Variants in LRP1B observed in about 807,000 individuals in gnomAD.
LRP1B encodes LDL receptor related protein 1B, also known as low-density lipoprotein receptor-related protein 1B.
In LRP1B, 217 loss-of-function variants were observed where a neutral mutation model predicts 556.6. That is an observed-to-expected ratio of 0.39 (90% CI 0.35 to 0.44). The LOEUF is 0.44. LRP1B is among the 20% of genes least tolerant of loss of function. The probability of loss-of-function intolerance (pLI) is 1.00; values close to 1 mark genes in which losing one functional copy is unlikely to be tolerated. For missense variants in LRP1B, 5,053 were observed against 5,620.8 expected (o/e 0.90, Z 3.23); for synonymous variants, 2,047 against 1,865.8 (o/e 1.10, Z -2.50).
intron 1 of LRP1B, among the ~76,000 whole-genome samples, chr2:142,006,937 T>A (rs1211328761): frequency 6.6e-6 from 1 of 152,130 alleles, no homozygotes; most frequent in African/African-American, 2.4e-5. Context: ...AAAATTTGCT[T>A]TAGAAATATT....
intron 1 of LRP1B, among the ~76,000 whole-genome samples, chr2:141,901,670 CAATT>C (rs1699621932): frequency 1.3e-5 from 2 of 151,642 alleles, no homozygotes; most frequent in South Asian, 2.1e-4. Context: ...AAACTATTGA[CAATT>C]AAAACAGGAA....
At chr2:141,526,159 T>G (rs1356619027) in intron 2 of LRP1B, among the ~76,000 whole-genome samples, 2 of 152,040 alleles carry the variant, frequency 1.3e-5, no homozygotes, top group Non-Finnish European at 2.9e-5. Flanking sequence ...TACAGAAACG[T>G]TGTTTTACCT....
intron 1 of LRP1B, among the ~76,000 whole-genome samples, chr2:141,813,702 G>T (rs1009214316): frequency 6.6e-6 from 1 of 152,144 alleles, no homozygotes; most frequent in Non-Finnish European, 1.5e-5. Context: ...GAGTATTACA[G>T]CTCATTGACT....
intron 41 of LRP1B, among the ~76,000 whole-genome samples, chr2:140,692,240 C>G (rs1052417761): frequency 7.2e-5 from 11 of 152,096 alleles, no homozygotes; most frequent in African/African-American, 2.7e-4. Flanking sequence ...AATATCACAT[C>G]AACCATATCA....
At position 141,332,226 on chromosome 2, in the gene LRP1B, T is replaced by A. The variant is rs190559833; in HGVS notation, c.344-77585A>T. Reference sequence around the variant, plus strand: ...AAATCCTGATGACTTGTTACATTAATTAATTTACTTTTCTGAATCTGAGTT... The same window carrying A: ...AAATCCTGATGACTTGTTACATTAAATAATTTACTTTTCTGAATCTGAGTT... On this transcript the variant is annotated intron_variant, in intron 3 of 90. Coordinates refer to ENST00000389484, the MANE Select transcript of LRP1B (RefSeq NM_018557.3). 4.6e-3 allele frequency among the ~76,000 whole-genome samples: 704 copies of A among 152,232 alleles called. 7 individuals are homozygous for A. The highest frequency in any genetic ancestry group is 0.015 in the African/African-American group (635 of 41,558).
At chr2:140,794,022 G>A (rs527518086) in intron 32 of LRP1B, among the ~76,000 whole-genome samples, 3 of 152,130 alleles carry the variant, frequency 2.0e-5, no homozygotes, top group African/African-American at 7.2e-5. Flanking sequence ...CTTATACCTG[G>A]AAATCTACTA....
chr2:140,968,494 T>G (rs1409631167), intron 18 of LRP1B, among the ~76,000 whole-genome samples: 3 of 44,642 alleles, frequency 6.7e-5, no homozygotes, highest in Non-Finnish European at 1.6e-4. Context: ...GATTGATTGA[T>G]TTTTTGCAGT....
chr2:141,608,453 C>T (rs1318135708), intron 2 of LRP1B, among the ~76,000 whole-genome samples: 1 of 152,210 alleles, frequency 6.6e-6, no homozygotes, highest in Non-Finnish European at 1.5e-5. Context: ...TCTCCAATAT[C>T]TGCTACGGTG....
At chr2:140,297,767 A>G (rs374266363) in intron 84 of LRP1B, 41 bp downstream of exon 84, 5 of 1,552,590 alleles carry the variant, frequency 3.2e-6, no homozygotes, top group Non-Finnish European at 4.4e-6. Flanking sequence ...GAAGATTAAC[A>G]TAAACATCAA....
chr2:140,787,206 A>G (rs1439262505), intron 32 of LRP1B, among the ~76,000 whole-genome samples: 1 of 152,120 alleles, frequency 6.6e-6, no homozygotes, highest in Non-Finnish European at 1.5e-5. Context: ...ATTTTCCACT[A>G]CCCAGGTAAT....
chr2:141,472,267 C>T (rs534078759), intron 3 of LRP1B, among the ~76,000 whole-genome samples: 1 of 152,090 alleles, frequency 6.6e-6, no homozygotes. Flanking sequence ...TAAAATTGGC[C>T]GGACACAGTG....
intron 2 of LRP1B, among the ~76,000 whole-genome samples, chr2:141,777,455 G>A (rs573744330): frequency 2.2e-4 from 33 of 151,680 alleles, no homozygotes; most frequent in Admixed American, 5.9e-4. Context: ...TCACTCTCTC[G>A]CCCAGGCTGG....
rs77233566 is a variant in LRP1B, at chr2:141,509,849, T to C, written c.206-29316A>G. ...AACACAAATTTTGATTTACACAAGGTGTTAAAGAACAGATCTTGGAACTGC... is the reference window on the plus strand; with the variant it reads ...AACACAAATTTTGATTTACACAAGGCGTTAAAGAACAGATCTTGGAACTGC... On this transcript the variant is annotated intron_variant, in intron 2 of 90. Coordinates refer to ENST00000389484, the MANE Select transcript of LRP1B (RefSeq NM_018557.3). Among the ~76,000 whole-genome samples, 669 of 152,254 alleles carry C rather than the reference T, an allele frequency of 4.4e-3. 8 individuals carry two copies. The highest frequency in any genetic ancestry group is 0.014 in the African/African-American group (598 of 41,560).
intron 1 of LRP1B, among the ~76,000 whole-genome samples, chr2:141,892,972 G>A (rs1163344156): frequency 6.6e-6 from 1 of 151,932 alleles, no homozygotes; most frequent in Non-Finnish European, 1.5e-5. Flanking sequence ...TTTAGTGATT[G>A]GAAGAAATGT....
intron 3 of LRP1B, among the ~76,000 whole-genome samples, chr2:141,319,072 C>G (rs933928922): frequency 1.3e-5 from 2 of 151,978 alleles, no homozygotes; most frequent in African/African-American, 4.8e-5. Context: ...TATGCCTTCC[C>G]CTAGATCAAA....
intron 2 of LRP1B, among the ~76,000 whole-genome samples, chr2:141,510,168 G>C (rs995107439): frequency 1.4e-5 from 2 of 146,760 alleles, no homozygotes; most frequent in Admixed American, 6.9e-5. Context: ...TAAAAACATA[G>C]TCCTAGGTTA....
At chr2:140,774,448 T>G (rs1429412263) in intron 33 of LRP1B, among the ~76,000 whole-genome samples, 2 of 152,140 alleles carry the variant, frequency 1.3e-5, no homozygotes, top group Non-Finnish European at 2.9e-5. Context: ...TGGAATTATA[T>G]CTAGAAAATT....
chr2:141,276,638 T>TTTCTTTC (rs1553486486), intron 3 of LRP1B, among the ~76,000 whole-genome samples: 12 of 137,306 alleles, frequency 8.7e-5, no homozygotes, highest in South Asian at 4.6e-4. Flanking sequence ...CATTCTATTT[T>TTTCTTTC]TTTCTTTCTT....
At chr2:141,570,573 G>A (rs972304447) in intron 2 of LRP1B, among the ~76,000 whole-genome samples, 1 of 150,986 alleles carries the variant, frequency 6.6e-6, no homozygotes, top group Non-Finnish European at 1.5e-5. Flanking sequence ...GTGGCTGCCT[G>A]CTATCTAAAC....
Sources: allele counts gnomAD v4.1 joint callset (sites outside exome capture counted in the v4.1 genomes callset), GRCh38; gene constraint gnomAD v4.1.1; transcripts MANE v1.5; gene names NCBI Gene and HGNC (gene_info 2026-07-23, HGNC 2026-07-21).